The following NOX4 variants were observed in gnomAD, a reference collection of about 807,000 sequenced individuals.
NOX4 encodes the protein kidney oxidase-1.
NOX4 carries 69 observed loss-of-function variants against 87.6 expected under a neutral mutation model. The ratio of observed to expected loss-of-function variants is 0.79; its 90% CI spans 0.65 to 0.96. The LOEUF (loss-of-function observed/expected upper bound fraction) is 0.96, where lower values mean the gene tolerates loss of function less well. Among genes scored for constraint, NOX4 ranks in the 40% least tolerant of loss-of-function variants. The probability of loss-of-function intolerance (pLI) is 0.00; values close to 1 mark genes in which losing one functional copy is unlikely to be tolerated. For missense variants in NOX4, 680 were observed against 681.5 expected (o/e 1.00, Z 0.02); for synonymous variants, 275 against 238.2 (o/e 1.15, Z -1.42).
At chr11:89,345,971 G>A (rs1323338145) in intron 13 of NOX4, among the ~76,000 whole-genome samples, 2 of 152,048 alleles carry the variant, frequency 1.3e-5, no homozygotes, top group Non-Finnish European at 2.9e-5. Flanking sequence ...AGAAAGAAAG[G>A]AAAGGCATCC....
the NOX4 span, among the ~76,000 whole-genome samples, chr11:89,588,374 G>A: frequency 3.3e-5 from 5 of 151,938 alleles, no homozygotes; most frequent in Non-Finnish European, 5.9e-5. Flanking sequence ...CAGAAGCATC[G>A]AGAAATACAT....
At chr11:89,327,574 A>G (rs1180253959) in intron 17 of NOX4, among the ~76,000 whole-genome samples, 1 of 152,178 alleles carries the variant, frequency 6.6e-6, no homozygotes, top group East Asian at 1.9e-4. Context: ...CCCAGGAAAT[A>G]AATAATATTT....
chr11:89,507,278 C>G, the NOX4 span, among the ~76,000 whole-genome samples: 1 of 151,462 alleles, frequency 6.6e-6, no homozygotes, highest in Non-Finnish European at 1.5e-5. Context: ...CAAAACTTAC[C>G]CAATTGTACC....
At chr11:89,436,290 CT>C (rs1173936158) in intron 6 of NOX4, among the ~76,000 whole-genome samples, 1 of 152,138 alleles carries the variant, frequency 6.6e-6, no homozygotes, top group Non-Finnish European at 1.5e-5. Flanking sequence ...AAAGGGCACC[CT>C]AAGCTAGCCT....
chr11:89,447,864 C>A (rs1276241413), intron 4 of NOX4, among the ~76,000 whole-genome samples: 1 of 152,166 alleles, frequency 6.6e-6, no homozygotes, highest in Non-Finnish European at 1.5e-5. Context: ...CTGAGCCTCT[C>A]CCCATCTAAC....
At chr11:89,561,070 T>TAC in the NOX4 span, among the ~76,000 whole-genome samples, 11 of 117,232 alleles carry the variant, frequency 9.4e-5, no homozygotes, top group African/African-American at 3.6e-4. Context: ...TATATATATA[T>TAC]ATATATATAT....
chr11:89,475,769 A>T (rs1224592125), intron 2 of NOX4, among the ~76,000 whole-genome samples: 1 of 152,024 alleles, frequency 6.6e-6, no homozygotes, highest in African/African-American at 2.4e-5. Context: ...GTTCCAAGTA[A>T]TATAGGGAAG....
chr11:89,429,643 T>A (rs1943663267), intron 7 of NOX4, among the ~76,000 whole-genome samples: 1 of 151,974 alleles, frequency 6.6e-6, no homozygotes, highest in Admixed American at 6.6e-5. Context: ...ACATACACCC[T>A]CCCAAGACTA....
upstream of NOX4, among the ~76,000 whole-genome samples, chr11:89,495,311 TC>T (rs1393199778): frequency 2.0e-5 from 3 of 152,082 alleles, no homozygotes; most frequent in Non-Finnish European, 4.4e-5. Flanking sequence ...GAGAATCTGT[TC>T]CTTGTCTCTT....
the NOX4 span, among the ~76,000 whole-genome samples, chr11:89,587,835 G>A: frequency 1.3e-5 from 2 of 152,044 alleles, no homozygotes; most frequent in African/African-American, 4.8e-5. Context: ...TTGGGATTGG[G>A]CTATTCTTAG....
upstream of NOX4, chr11:89,498,260 TAGATAACATTAAA>T (rs1946980299): frequency 6.6e-6 from 1 of 152,172 alleles, no homozygotes; most frequent in African/African-American, 2.4e-5. Flanking sequence ...GCACAGAAGA[TAGATAACATTAAA>T]AACATGTATT....
chr11:89,552,184 A>G, the NOX4 span, among the ~76,000 whole-genome samples: 1 of 152,190 alleles, frequency 6.6e-6, no homozygotes, highest in Non-Finnish European at 1.5e-5. Flanking sequence ...TTTATAATAC[A>G]TTTCTGAAGG....
In NOX4 at chr11:89,451,829, G is replaced by A. The variant is rs371739605; in HGVS notation, c.220C>T (p.Pro74Ser). ...LNLNCSLILL[P>S]MCRTLLAYLR... The stretch of plus-strand genomic sequence containing the variant: ...TAAGCCAAGAGTGTTCGGCACATGG[G>A]TAAAAGGATAAGGCTGCAGTTGAGG... The change falls in exon 3 of 18, where the codon CCC becomes TCC. Residue 74 changes from proline (P) to serine (S), a missense_variant. By Grantham distance (74) the Pro-to-Ser change is moderately conservative. Coordinates refer to ENST00000263317, the MANE Select transcript of NOX4 (RefSeq NM_016931.5). 5.6e-6 allele frequency: 9 copies of A among 1,613,446 alleles called. No homozygotes were observed. In the African/African-American group the frequency reaches 1.1e-4, roughly 19 times the overall value.
chr11:89,407,856 A>T (rs1287244634), intron 8 of NOX4, among the ~76,000 whole-genome samples: 1 of 152,090 alleles, frequency 6.6e-6, no homozygotes, highest in African/African-American at 2.4e-5. Flanking sequence ...ATTTCATGTT[A>T]AAAATATCCC....
chr11:89,381,377 GAGA>G lies in NOX4; in HGVS notation c.1075-7888_1075-7886del, dbSNP rs560071661. On this transcript the variant is annotated intron_variant, in intron 11 of 17. Coordinates refer to ENST00000263317, the MANE Select transcript of NOX4 (RefSeq NM_016931.5). ...AAGTAACTGAAGAGTCACAAAAGAA[GAGA>G]AAATGGCCGGTTCCTGCCTTTGATG... Among the ~76,000 whole-genome samples the G allele has an allele frequency of 6.6e-5, 10 of 152,252 alleles. No homozygotes were observed. The East Asian group carries it at 1.9e-3, about 30-fold the overall frequency.
chr11:89,382,424 T>C (rs1285387492), intron 11 of NOX4, among the ~76,000 whole-genome samples: 2 of 151,462 alleles, frequency 1.3e-5, no homozygotes, highest in Admixed American at 6.6e-5. Context: ...ATCTAGATAA[T>C]TTTTGTCGTA....
chr11:89,449,327 C>A, intron 4 of NOX4, 113 bp downstream of exon 4: 1 of 694,446 alleles, frequency 1.4e-6, no homozygotes, highest in East Asian at 2.9e-5. Flanking sequence ...AGTGGTTGTT[C>A]TGGAAGAATA....
intron 12 of NOX4, among the ~76,000 whole-genome samples, chr11:89,369,063 C>A (rs1157809143): frequency 2.0e-5 from 3 of 152,068 alleles, no homozygotes; most frequent in Non-Finnish European, 4.4e-5. Flanking sequence ...TTGTATGCTG[C>A]AAATGCAATT....
At chr11:89,366,384 A>G (rs1027365712) in intron 12 of NOX4, among the ~76,000 whole-genome samples, 1 of 152,040 alleles carries the variant, frequency 6.6e-6, no homozygotes, top group African/African-American at 2.4e-5. Context: ...CAAAACTAAA[A>G]AGTAACATTT....
Sources: gnomAD v4.1 joint callset for allele counts (sites outside exome capture counted in the v4.1 genomes callset) on GRCh38, gnomAD v4.1.1 for gene constraint, MANE v1.5 for transcripts, NCBI Gene and HGNC (gene_info 2026-07-23, HGNC 2026-07-21) for gene names.